The following CAMK1D variants were observed in gnomAD, a reference collection of about 807,000 sequenced individuals.
CAMK1D encodes the protein calcium/calmodulin dependent protein kinase ID.
Under a neutral mutation model 47.7 loss-of-function variants are expected in CAMK1D, and 9 were observed. That is an observed-to-expected ratio of 0.19 (90% CI 0.11 to 0.33). CAMK1D has a LOEUF of 0.33. CAMK1D is among the 10% of genes least tolerant of loss of function. The pLI, the probability that CAMK1D is intolerant of heterozygous loss-of-function variation, is 1.00. For missense variants in CAMK1D, 291 were observed against 488.7 expected, an observed-to-expected ratio of 0.60 and a Z score of 3.81; for synonymous variants, 184 against 184.9, an observed-to-expected ratio of 0.99 and a Z score of 0.04.
chr10:12,741,056 T>A (rs1835404242), intron 3 of CAMK1D, among the ~76,000 whole-genome samples: 1 of 152,222 alleles, frequency 6.6e-6, no homozygotes, highest in Non-Finnish European at 1.5e-5. Flanking sequence ...AAATGTTGAA[T>A]GCACTCAAAT....
chr10:12,621,943 G>C (rs1185091266), intron 2 of CAMK1D, among the ~76,000 whole-genome samples: 1 of 152,164 alleles, frequency 6.6e-6, no homozygotes, highest in Admixed American at 6.5e-5. Flanking sequence ...CTGCCAGGTG[G>C]AGTGAAACCC....
At chr10:12,670,596 G>A (rs1406195903) in intron 3 of CAMK1D, among the ~76,000 whole-genome samples, 3 of 151,700 alleles carry the variant, frequency 2.0e-5, no homozygotes, top group East Asian at 1.9e-4. Context: ...TTGCCCAGGC[G>A]GAGTGCAATG....
At chr10:12,775,022 T>C (rs146202282) in intron 5 of CAMK1D, among the ~76,000 whole-genome samples, 330 of 151,196 alleles carry the variant, frequency 2.2e-3, no homozygotes, top group African/African-American at 7.5e-3. Flanking sequence ...GGCTCAGGCA[T>C]TGATCAGGTG....
intron 2 of CAMK1D, among the ~76,000 whole-genome samples, chr10:12,658,021 G>A (rs909793059): frequency 8.5e-5 from 13 of 152,106 alleles, no homozygotes; most frequent in Non-Finnish European, 1.8e-4. Context: ...ATGGTGGCAC[G>A]TACCTGTAGT....
At chr10:12,591,497 C>G (rs900500573) in intron 2 of CAMK1D, among the ~76,000 whole-genome samples, 1 of 152,212 alleles carries the variant, frequency 6.6e-6, no homozygotes, top group Non-Finnish European at 1.5e-5. Context: ...CTTTGAGTTT[C>G]TACCAAACAC....
intron 3 of CAMK1D, among the ~76,000 whole-genome samples, chr10:12,752,602 A>G (rs115901619): frequency 1.4e-3 from 211 of 152,320 alleles, no homozygotes; most frequent in African/African-American, 5.0e-3. Context: ...TAAAAAAAAT[A>G]TATACATACA....
chr10:12,832,240 G>A lies in CAMK1D; in HGVS notation c.*3353G>A, dbSNP rs1833430396. On this transcript the variant is annotated 3_prime_UTR_variant, in exon 11 of 11. Transcript: ENST00000619168. ...AATAGGAGGAGTTTCTATTCATTGA[G>A]ACAAACAGTGAGCGGGCACCAACAG... 1 of 152,280 alleles carries A rather than the reference G, an allele frequency of 6.6e-6. No homozygotes were observed. The highest frequency in any genetic ancestry group is 2.4e-5 in the African/African-American group (1 of 41,456). 9.4% of individuals were successfully genotyped at this position (152,280 alleles called of 1,614,324 possible).
At chr10:12,655,305 A>G (rs542255319) in intron 2 of CAMK1D, among the ~76,000 whole-genome samples, 1 of 152,274 alleles carries the variant, frequency 6.6e-6, no homozygotes, top group African/African-American at 2.4e-5. Flanking sequence ...TCGCAAAGAC[A>G]GCACCAAGCC....
chr10:12,595,387 T>C (rs117065183), intron 2 of CAMK1D, among the ~76,000 whole-genome samples: 1,399 of 139,032 alleles, frequency 0.01, 64 homozygotes, highest in Admixed American at 0.067. Flanking sequence ...GAGAGATTCT[T>C]CTTTTGCTAA....
chr10:12,584,378 G>A (rs1328530494), intron 2 of CAMK1D, among the ~76,000 whole-genome samples: 2 of 152,216 alleles, frequency 1.3e-5, no homozygotes, highest in Admixed American at 6.5e-5. Flanking sequence ...TGACCATGCT[G>A]GTGATGATGG....
intron 4 of CAMK1D, among the ~76,000 whole-genome samples, chr10:12,764,145 C>T (rs540275661): frequency 1.3e-5 from 2 of 152,304 alleles, no homozygotes; most frequent in East Asian, 1.9e-4. Flanking sequence ...CTTTGGGAGG[C>T]GGAGGCGGGT....
intron 3 of CAMK1D, among the ~76,000 whole-genome samples, chr10:12,737,340 A>G (rs777325534): frequency 4.6e-5 from 7 of 152,142 alleles, no homozygotes; most frequent in Non-Finnish European, 8.8e-5. Context: ...CAGAAGGATC[A>G]TCCTAGACAG....
intron 3 of CAMK1D, among the ~76,000 whole-genome samples, chr10:12,733,985 G>A (rs994964966): frequency 6.6e-6 from 1 of 151,864 alleles, no homozygotes; most frequent in Non-Finnish European, 1.5e-5. Flanking sequence ...CCTGTGGTGG[G>A]CTAAATCCTA....
intron 2 of CAMK1D, among the ~76,000 whole-genome samples, chr10:12,581,283 G>A (rs1837656261): frequency 6.6e-6 from 1 of 152,052 alleles, no homozygotes; most frequent in African/African-American, 2.4e-5. Flanking sequence ...TTATCCACTC[G>A]TTGATTGATG....
At chr10:12,656,646 T>C (rs1840123893) in intron 2 of CAMK1D, among the ~76,000 whole-genome samples, 1 of 152,236 alleles carries the variant, frequency 6.6e-6, no homozygotes, top group South Asian at 2.1e-4. Context: ...CAAAACTAGC[T>C]TACAGACTTA....
chr10:12,543,502 T>G (rs1836265417), intron 1 of CAMK1D, among the ~76,000 whole-genome samples: 2 of 152,210 alleles, frequency 1.3e-5, no homozygotes, highest in African/African-American at 4.8e-5. Context: ...TCTCTGGGCT[T>G]GGCTTGGCTC....
intron 2 of CAMK1D, among the ~76,000 whole-genome samples, chr10:12,616,144 ATG>A (rs1192593326): frequency 6.6e-6 from 1 of 152,000 alleles, no homozygotes; most frequent in Non-Finnish European, 1.5e-5. Flanking sequence ...GTGTGTATAA[ATG>A]TACGTGTGTG....
At chr10:12,757,956 G>A (rs1375021997) in intron 3 of CAMK1D, among the ~76,000 whole-genome samples, 1 of 147,842 alleles carries the variant, frequency 6.8e-6, no homozygotes, top group African/African-American at 2.5e-5. Flanking sequence ...AGTTCAAGCA[G>A]TTCTCCTGCT....
intron 3 of CAMK1D, among the ~76,000 whole-genome samples, chr10:12,747,025 C>A (rs909659606): frequency 1.4e-5 from 2 of 141,450 alleles, no homozygotes; most frequent in African/African-American, 5.4e-5. Flanking sequence ...TAATTTAATT[C>A]TTTTTGTTTG....
Sources: gnomAD v4.1 joint callset for allele counts (sites outside exome capture counted in the v4.1 genomes callset) on GRCh38, gnomAD v4.1.1 for gene constraint, MANE v1.5 for transcripts, NCBI Gene and HGNC (gene_info 2026-07-23, HGNC 2026-07-21) for gene names.